Variants in TIE1 observed in about 807,000 individuals in gnomAD.
The protein encoded by TIE1 is tyrosine kinase with immunoglobulin like and EGF like domains 1, also known as tyrosine-protein kinase receptor Tie-1.
TIE1 carries 89 observed loss-of-function variants against 130.5 expected under a neutral mutation model. The observed-to-expected ratio is 0.68, with a 90% CI of 0.57 to 0.81. The LOEUF is 0.81. Among genes scored for constraint, TIE1 ranks in the 40% least tolerant of loss-of-function variants. TIE1 has a pLI of 0.00. For synonymous variants in TIE1, 568 were observed against 629.4 expected, an observed-to-expected ratio of 0.90 and a Z score of 1.46; for missense variants, 1,392 against 1,559.8, an observed-to-expected ratio of 0.89 and a Z score of 1.81.
Position 43,319,908 on chromosome 1 carries a change from G to A in TIE1, c.3107+379G>A. ...ATGCCCACCTGAGGATCTTACCAGA[G>A]CATGACCCCCAAGACTCCCTCTCTG... On this transcript the variant is annotated intron_variant, in intron 19 of 22. Coordinates refer to ENST00000372476, the MANE Select transcript of TIE1 (RefSeq NM_005424.5). This position sits in a 1 kb window ranked among gnomAD's most constrained non-coding sequence, Gnocchi z 4.7. The A allele has an allele frequency of 3.5e-6, 1 of 285,176 alleles. No homozygotes were observed. Among genetic ancestry groups the A allele is most frequent in the Non-Finnish European group, 6.9e-6 (1 of 145,684 alleles). 17.7% of individuals were successfully genotyped at this position (285,176 alleles called of 1,614,324 possible).
At position 43,311,672 on chromosome 1, in the gene TIE1, G is replaced by A. The variant is rs1185284544; in HGVS notation, c.1335G>A (p.Val445=). The A allele has an allele frequency of 1.2e-6, 2 of 1,611,378 alleles. No individual in the cohort carries two copies. Among genetic ancestry groups the A allele is most frequent in the African/African-American group, 1.3e-5 (1 of 74,972 alleles). ...DSRRFKVNVK[V]PPVPLAAPRL... ...GCCTTACCCTGAGTCTCCTGGCAGT[G>A]CCCCCCGTGCCCCTGGCTGCACCTC... The change falls in exon 10 of 23, where the codon GTG becomes GTA. Residue 445 remains valine (V), a splice_region_variant and synonymous_variant. Transcript: ENST00000372476.
In TIE1 at chr1:43,307,495, G is replaced by A. The variant is rs140478559; in HGVS notation, c.836G>A (p.Arg279Gln). Residue 279 changes from arginine to glutamine, a missense_variant, in exon 6 of 23, where the codon CGG becomes CAG. Physicochemically the swap from Arg to Gln is conservative, Grantham distance 43. This residue lies in a region of TIE1 where 415 missense variants were observed against 424.8 expected (regional missense o/e 0.98). Coordinates refer to ENST00000372476, the MANE Select transcript of TIE1 (RefSeq NM_005424.5). The surrounding 1 kb of genome is among the most constrained non-coding windows in gnomAD (Gnocchi z 5.4). ...QEQCPGISGC[R>Q]GLTFCLPDPY... The stretch of plus-strand genomic sequence containing the variant: ...CAGTGCCCAGGCATATCAGGCTGCC[G>A]GGGCCTCACCTTCTGCCTCCCAGAC... 1.4e-4 allele frequency: 219 copies of A among 1,614,148 alleles called. No homozygotes were observed. Among genetic ancestry groups the A allele is most frequent in the Non-Finnish European group, 1.7e-4 (204 of 1,180,016 alleles).
chr1:43,314,073 G>A (rs1646835115), intron 14 of TIE1, 105 bp downstream of exon 14: 2 of 1,190,098 alleles, frequency 1.7e-6, no homozygotes, highest in Admixed American at 1.9e-5. Context: ...GTGTGTGTGT[G>A]TGTTTATGTT....
Position 43,318,496 on chromosome 1 carries a change from A to G in TIE1, c.2922+424A>G, listed in dbSNP as rs115975425. Among the ~76,000 whole-genome samples the G allele has an allele frequency of 3.3e-5, 5 of 151,768 alleles. No individual in the cohort carries two copies. The highest frequency in any genetic ancestry group is 7.4e-5 in the Non-Finnish European group (5 of 67,884). On this transcript the variant is annotated intron_variant, in intron 17 of 22. Transcript: ENST00000372476. The surrounding 1 kb of genome is among the most constrained non-coding windows in gnomAD (Gnocchi z 4.4). ...GTCCAGGGGAGTGTGAGTCTGAGGG[A>G]AGGCATTTTATCTTTTTTTTTTTTT... is the stretch of plus-strand genomic sequence containing the variant.
At position 43,317,086 on chromosome 1, in the gene TIE1, G is replaced by C; in HGVS notation, c.2410-113G>C. The C allele has an allele frequency of 2.7e-6, 3 of 1,099,008 alleles. No homozygotes were observed. Among genetic ancestry groups the C allele is most frequent in the Non-Finnish European group, 4.1e-6 (3 of 728,038 alleles). The allele number at this position is 1,099,008 out of a possible 1,614,324, so 68.1% of individuals were successfully genotyped here. A position where few individuals can be genotyped will look rare whatever the true frequency, so the allele number is the denominator to read the frequency against. On this transcript the variant is annotated intron_variant, in intron 14 of 22. Coordinates refer to ENST00000372476, the MANE Select transcript of TIE1 (RefSeq NM_005424.5). The surrounding 1 kb of genome is among the most constrained non-coding windows in gnomAD (Gnocchi z 5.1). ...TGACCACCAGGGTGCCCTCCATCTG[G>C]GTCTCTGCCCACTTGTCTGACACTG...
Position 43,313,312 on chromosome 1 carries a change from G to C in TIE1, c.2105G>C (p.Ser702Thr). Residue 702 changes from serine to threonine, a missense_variant, in exon 13 of 23, where the codon AGC becomes ACC. By Grantham distance (58) the Ser-to-Thr change is moderately conservative. This residue lies in a region of TIE1 where 551 missense variants were observed against 565.5 expected (regional missense o/e 0.97). Transcript: ENST00000372476. This position sits in a 1 kb window ranked among gnomAD's most constrained non-coding sequence, Gnocchi z 6.2. Reference protein sequence around the residue: ...WIDVDRPEETSTIIRGLNAST... With the variant: ...WIDVDRPEETTTIIRGLNAST... Reference sequence around the variant, plus strand: ...GACGTGGACAGGCCTGAGGAGACAAGCACCATCATCCGTGGCCTCAACGCC... The same window carrying C: ...GACGTGGACAGGCCTGAGGAGACAACCACCATCATCCGTGGCCTCAACGCC... 8 of 1,614,062 alleles carry C rather than the reference G, an allele frequency of 5.0e-6. No homozygotes were observed. The highest frequency in any genetic ancestry group is 6.8e-6 in the Non-Finnish European group (8 of 1,179,956).
intron 7 of TIE1, 136 bp from the exon 8 acceptor site, chr1:43,308,850 C>T (rs1012512711): frequency 7.7e-6 from 9 of 1,166,752 alleles, no homozygotes; most frequent in Admixed American, 5.6e-5. Flanking sequence ...AGGAGTCATG[C>T]GGGCCTTTGC....
rs916736880 is a variant in TIE1, at chr1:43,309,664, C to T, written c.1333+132C>T. ...TCATAGCCTAGCACCAGACAAAAAG[C>T]GGGGTTGTGGTCAACCAGAGGTCCG... On this transcript the variant is annotated intron_variant, in intron 9 of 22. Transcript: ENST00000372476. This position sits in a 1 kb window ranked among gnomAD's most constrained non-coding sequence, Gnocchi z 6.3. The T allele has an allele frequency of 2.2e-5, 28 of 1,291,762 alleles. No individual in the cohort carries two copies. Among genetic ancestry groups the T allele is most frequent in the East Asian group, 1.4e-4 (5 of 36,462 alleles). 80.0% of individuals were successfully genotyped at this position (1,291,762 alleles called of 1,614,324 possible). A position where few individuals can be genotyped will look rare whatever the true frequency, so the allele number is the denominator to read the frequency against.
rs756085887 is a variant in TIE1, at chr1:43,312,626, TG to T, written c.1927+30del. On this transcript the variant is annotated intron_variant, in intron 12 of 22. Coordinates refer to ENST00000372476, the MANE Select transcript of TIE1 (RefSeq NM_005424.5). This position sits in a 1 kb window ranked among gnomAD's most constrained non-coding sequence, Gnocchi z 5.6. ...GGTATGTGCAAGGCGCAAGGATAGC[TG>T]GGGGTTGGGGGAGGACGTGGGACAC... 2 of 1,566,018 alleles carry T rather than the reference TG, an allele frequency of 1.3e-6. No homozygotes were observed. Among genetic ancestry groups the T allele is most frequent in the Non-Finnish European group, 8.7e-7 (1 of 1,153,952 alleles).
chr1:43,321,661 A>G lies in TIE1; in HGVS notation c.3291A>G (p.Arg1097=), dbSNP rs111252191. 5.2e-6 allele frequency: 8 copies of G among 1,552,344 alleles called. No homozygotes were observed. In the African/African-American group the frequency reaches 6.9e-5, roughly 13 times the overall value. Residue 1097 remains arginine, a synonymous_variant, in exon 22 of 23, where the codon CGA becomes CGG. Transcript: ENST00000372476. ...RQCWRDRPYE[R]PPFAQIALQL... ...GCTGGCGGGACCGTCCCTATGAGCG[A>G]CCCCCCTTTGCCCAGATTGCGCTAC...
In TIE1 at chr1:43,318,541, T is replaced by G. The variant is rs1318165751; in HGVS notation, c.2922+469T>G. On this transcript the variant is annotated intron_variant, in intron 17 of 22. Transcript: ENST00000372476. The surrounding 1 kb of genome is among the most constrained non-coding windows in gnomAD (Gnocchi z 4.4). ...TTTTTTGAGACTGAGTCTCACTTTT[T>G]TGCCCAGGCTGGAGTGCAGTGGTGC... Among the ~76,000 whole-genome samples the G allele has an allele frequency of 1.3e-5, 2 of 151,776 alleles. No homozygotes were observed. Among genetic ancestry groups the G allele is most frequent in the African/African-American group, 4.8e-5 (2 of 41,304 alleles).
rs754219029 is a variant in TIE1, at chr1:43,321,657, A to T, written c.3287A>T (p.Glu1096Val). The T allele has an allele frequency of 6.4e-7, 1 of 1,553,550 alleles. No individual in the cohort carries two copies. The highest frequency in any genetic ancestry group is 1.2e-5 in the South Asian group (1 of 84,232). Residue 1096 changes from glutamate to valine, a missense_variant, in exon 22 of 23, where the codon GAG becomes GTG. Glu to Val is a moderately radical substitution (Grantham distance 121). This residue lies in a region of TIE1 where 104 missense variants were observed against 129.3 expected (regional missense o/e 0.80). Coordinates refer to ENST00000372476, the MANE Select transcript of TIE1 (RefSeq NM_005424.5). ...MRQCWRDRPY[E>V]RPPFAQIALQ... ...CAGTGCTGGCGGGACCGTCCCTATG[A>T]GCGACCCCCCTTTGCCCAGATTGCG...
Position 43,312,705 on chromosome 1 carries a change from T to A in TIE1, c.1927+104T>A. 3.7e-6 allele frequency: 5 copies of A among 1,334,334 alleles called. No individual in the cohort carries two copies. The highest frequency in any genetic ancestry group is 5.1e-6 in the Non-Finnish European group (5 of 985,474). 82.7% of individuals were successfully genotyped at this position (1,334,334 alleles called of 1,614,324 possible). A position where few individuals can be genotyped will look rare whatever the true frequency, so the allele number is the denominator to read the frequency against. On this transcript the variant is annotated intron_variant, in intron 12 of 22. Coordinates refer to ENST00000372476, the MANE Select transcript of TIE1 (RefSeq NM_005424.5). The surrounding 1 kb of genome is among the most constrained non-coding windows in gnomAD (Gnocchi z 5.6). ...GGAGGCTGTAGGAGATTAATGGACA[T>A]GGAGAGGACACAGGACACACATAGG...
rs1646823250 is a variant in TIE1, at chr1:43,313,472, A to T, written c.2218+47A>T. 6.2e-7 allele frequency: 1 copy of T among 1,601,030 alleles called. No homozygotes were observed. The highest frequency in any genetic ancestry group is 2.2e-5 in the East Asian group (1 of 44,730). ...GACCCCCCGGGCTCTGAGCGGGGAGAGCTCAGCACGCTCTCCTTCCACATC... is the reference window on the plus strand; with the variant it reads ...GACCCCCCGGGCTCTGAGCGGGGAGTGCTCAGCACGCTCTCCTTCCACATC... On this transcript the variant is annotated intron_variant, in intron 13 of 22. Transcript: ENST00000372476. This position sits in a 1 kb window ranked among gnomAD's most constrained non-coding sequence, Gnocchi z 6.2.
intron 1 of TIE1, among the ~76,000 whole-genome samples, chr1:43,301,610 G>A (rs540736570): frequency 6.2e-4 from 95 of 152,276 alleles, no homozygotes; most frequent in Non-Finnish European, 1.0e-3. Context: ...GGTGGCTCAC[G>A]CCTGTAATCC....
rs1015957710 is a variant in TIE1 at position 43,313,022 on chromosome 1, C to T, written c.1928-113C>T. 7.1e-6 allele frequency: 9 copies of T among 1,271,970 alleles called. No homozygotes were observed. The highest frequency in any genetic ancestry group is 6.0e-5 in the African/African-American group (4 of 67,144). The allele number at this position is 1,271,970 out of a possible 1,614,324, so 78.8% of individuals were successfully genotyped here. A position where few individuals can be genotyped will look rare whatever the true frequency, so the allele number is the denominator to read the frequency against. On this transcript the variant is annotated intron_variant, in intron 12 of 22. Coordinates refer to ENST00000372476, the MANE Select transcript of TIE1 (RefSeq NM_005424.5). This position sits in a 1 kb window ranked among gnomAD's most constrained non-coding sequence, Gnocchi z 6.2. ...GGGGAGGAGGAAGTTGGCAGGGTGGCCCCTGTGCTTGGACCCACAGAGGAG... is the reference window on the plus strand; with the variant it reads ...GGGGAGGAGGAAGTTGGCAGGGTGGTCCCTGTGCTTGGACCCACAGAGGAG...
In TIE1 at chr1:43,317,837, G is replaced by A. The variant is rs1412885745; in HGVS notation, c.2732-45G>A. 6.2e-7 allele frequency: 1 copy of A among 1,604,676 alleles called. No homozygotes were observed. Among genetic ancestry groups the A allele is most frequent in the African/African-American group, 1.3e-5 (1 of 74,738 alleles). On this transcript the variant is annotated intron_variant, in intron 16 of 22. Coordinates refer to ENST00000372476, the MANE Select transcript of TIE1 (RefSeq NM_005424.5). This position sits in a 1 kb window ranked among gnomAD's most constrained non-coding sequence, Gnocchi z 5.1. ...CATCGGGTGCCTGCTCCCACCCTAG[G>A]TTGCCTGTGTCTAAATCACCACTGT...
Position 43,319,829 on chromosome 1 carries a change from G to T in TIE1, c.3107+300G>T. 2.4e-6 allele frequency: 1 copy of T among 411,418 alleles called. No homozygotes were observed. The highest frequency in any genetic ancestry group is 4.5e-6 in the Non-Finnish European group (1 of 220,414). The allele number at this position is 411,418 out of a possible 1,614,324, so 25.5% of individuals were successfully genotyped here. A position where few individuals can be genotyped will look rare whatever the true frequency, so the allele number is the denominator to read the frequency against. On this transcript the variant is annotated intron_variant, in intron 19 of 22. Transcript: ENST00000372476. This position sits in a 1 kb window ranked among gnomAD's most constrained non-coding sequence, Gnocchi z 4.7. ...ATGCTGGCGGATGCTTCCTGAGGTA[G>T]ATGGAGAGGCCACTCAGGAATTGCT...
chr1:43,315,939 G>A lies in TIE1; in HGVS notation c.2410-1260G>A, dbSNP rs1175072812. 1.3e-5 allele frequency among the ~76,000 whole-genome samples: 2 copies of A among 151,786 alleles called. No homozygotes were observed. The highest frequency in any genetic ancestry group is 1.9e-4 in the East Asian group (1 of 5,140). ...ATGGGCGTGGAGGTGTGCACCTGTG[G>A]TCCCAACTACTCGGGAGGCTGAGGT... On this transcript the variant is annotated intron_variant, in intron 14 of 22. Transcript: ENST00000372476. The surrounding 1 kb of genome is among the most constrained non-coding windows in gnomAD (Gnocchi z 4.4).
Sources: allele counts gnomAD v4.1 joint callset (sites outside exome capture counted in the v4.1 genomes callset), GRCh38; gene constraint gnomAD v4.1.1; regional missense constraint gnomAD v4.1.1; non-coding constraint Gnocchi (gnomAD v3.1); transcripts MANE v1.5; gene names NCBI Gene and HGNC (gene_info 2026-07-23, HGNC 2026-07-21).